DCUN1D4: variants seen among roughly 807,000 people sequenced by gnomAD.
The protein encoded by DCUN1D4 is DCN1-like protein 4.
In DCUN1D4, 22 loss-of-function variants were observed where a neutral mutation model predicts 47.9. The ratio of observed to expected loss-of-function variants is 0.46; its 90% CI spans 0.33 to 0.66. The LOEUF (loss-of-function observed/expected upper bound fraction) is 0.66. DCUN1D4 is among the 30% of genes least tolerant of loss of function. The pLI, the probability that DCUN1D4 is intolerant of heterozygous loss-of-function variation, is 0.02. For synonymous variants in DCUN1D4, 121 were observed against 112.2 expected, an observed-to-expected ratio of 1.08 and a Z score of -0.50; for missense variants, 301 against 340.8, an observed-to-expected ratio of 0.88 and a Z score of 0.92.
At chr4:51,877,337 T>G (rs1727866417) in intron 4 of DCUN1D4, 1 of 152,412 alleles carries the variant, frequency 6.6e-6, no homozygotes, top group African/African-American at 2.4e-5. Flanking sequence ...TATTGAGAGA[T>G]TCTTCCTTAG....
chr4:51,906,787 G>T (rs1245357303), intron 8 of DCUN1D4, among the ~76,000 whole-genome samples: 1 of 152,208 alleles, frequency 6.6e-6, no homozygotes, highest in African/African-American at 2.4e-5. Flanking sequence ...CCACTGGCCT[G>T]TATGTTTCTT....
intron 3 of DCUN1D4, among the ~76,000 whole-genome samples, chr4:51,870,961 T>G (rs943982543): frequency 5.9e-5 from 9 of 152,052 alleles, no homozygotes; most frequent in Non-Finnish European, 1.3e-4. Flanking sequence ...TTCCCTTCCC[T>G]TGCCTGGATC....
chr4:51,841,917 G>A (rs1317360548), upstream of DCUN1D4, among the ~76,000 whole-genome samples: 1 of 143,064 alleles, frequency 7.0e-6, no homozygotes, highest in Non-Finnish European at 1.5e-5. Context: ...AGGATATGGG[G>A]ATGCCTTGTA....
chr4:51,896,582 A>G (rs1176435206), intron 7 of DCUN1D4, among the ~76,000 whole-genome samples: 1 of 151,968 alleles, frequency 6.6e-6, no homozygotes, highest in East Asian at 1.9e-4. Context: ...TTATATTATT[A>G]TATACACACC....
At chr4:51,856,485 T>C (rs1453242674) in intron 1 of DCUN1D4, among the ~76,000 whole-genome samples, 2 of 152,230 alleles carry the variant, frequency 1.3e-5, no homozygotes, top group African/African-American at 4.8e-5. Context: ...TAAATTACTT[T>C]AAGTGTGTGG....
At chr4:51,867,516 A>C (rs1346665256) in intron 3 of DCUN1D4, among the ~76,000 whole-genome samples, 1 of 152,202 alleles carries the variant, frequency 6.6e-6, no homozygotes, top group African/African-American at 2.4e-5. Flanking sequence ...AACAGCTTTC[A>C]GCAGACCCAA....
At chr4:51,843,118 A>G, upstream of DCUN1D4, 2 of 1,465,158 alleles carry the variant, frequency 1.4e-6, no homozygotes, top group African/African-American at 1.5e-5. Context: ...AGAAGGCGAG[A>G]TGGGCGGGCT....
upstream of DCUN1D4, among the ~76,000 whole-genome samples, chr4:51,839,321 C>T (rs539756947): frequency 2.0e-5 from 3 of 152,200 alleles, no homozygotes; most frequent in Non-Finnish European, 2.9e-5. Context: ...CTTAGGGGCA[C>T]GTTTACTTAT....
At chr4:51,894,827 C>T (rs778894277) in intron 7 of DCUN1D4, among the ~76,000 whole-genome samples, 2 of 152,050 alleles carry the variant, frequency 1.3e-5, no homozygotes, top group Non-Finnish European at 2.9e-5. Context: ...TCATATATGT[C>T]TTAGGCCATT....
chr4:51,858,419 GA>G (rs1724481751), intron 1 of DCUN1D4, among the ~76,000 whole-genome samples: 1 of 152,144 alleles, frequency 6.6e-6, no homozygotes, highest in Non-Finnish European at 1.5e-5. Context: ...AGGGGAAGAT[GA>G]GTAGAAGATG....
chr4:51,911,138 C>A lies in DCUN1D4; in HGVS notation c.684C>A (p.Ile228=), dbSNP rs760643503. 1.2e-6 allele frequency: 2 copies of A among 1,612,298 alleles called. No homozygotes were observed. Among genetic ancestry groups the A allele is most frequent in the South Asian group, 2.2e-5 (2 of 90,592 alleles). Residue 228 remains isoleucine, a synonymous_variant, in exon 9 of 11, where the codon ATC becomes ATA. Transcript: ENST00000334635. ...TGTTGGGACTGTTATTAGGAAAAAT[C>A]TGGCCCCTTTTTCCAGTTTTTCACC... ...KCMLGLLLGK[I]WPLFPVFHQF...
chr4:51,892,007 T>A (rs1171358776), intron 7 of DCUN1D4, among the ~76,000 whole-genome samples, 156 bp downstream of exon 7: 2 of 152,162 alleles, frequency 1.3e-5, no homozygotes, highest in African/African-American at 4.8e-5. Flanking sequence ...CTAAGACCCA[T>A]TTTGAGGACT....
chr4:51,842,023 G>A (rs924818891), upstream of DCUN1D4, among the ~76,000 whole-genome samples: 3 of 151,800 alleles, frequency 2.0e-5, no homozygotes, highest in Admixed American at 6.6e-5. Context: ...TTAATATCTC[G>A]AAATATTGTT....
chr4:51,845,540 C>A (rs890891971), intron 1 of DCUN1D4, among the ~76,000 whole-genome samples: 5 of 152,198 alleles, frequency 3.3e-5, no homozygotes, highest in African/African-American at 1.2e-4. Context: ...AAACCTTCCT[C>A]TCCATAAGTA....
chr4:51,841,960 G>A (rs564574460), upstream of DCUN1D4, among the ~76,000 whole-genome samples: 1 of 148,256 alleles, frequency 6.7e-6, no homozygotes, highest in Non-Finnish European at 1.5e-5. Context: ...TGGCTGGGAT[G>A]AGGGTGGAGG....
intron 1 of DCUN1D4, chr4:51,848,277 A>G: frequency 7.8e-7 from 1 of 1,289,334 alleles, no homozygotes; most frequent in South Asian, 1.2e-5. Context: ...GTGCTGAGGG[A>G]ACAGAAGGAG....
chr4:51,886,720 A>G lies in DCUN1D4; in HGVS notation c.414+82A>G, dbSNP rs1729532485. On this transcript the variant is annotated intron_variant, in intron 6 of 10. Coordinates refer to ENST00000334635, the MANE Select transcript of DCUN1D4 (RefSeq NM_001040402.3). ...TTTGTTCTTTAGCAAATAAATAAAT[A>G]ATTAAAAAGTAGTGGTATGTTAGTT... The G allele has an allele frequency of 3.4e-6, 4 of 1,172,720 alleles. No individual in the cohort carries two copies. In the South Asian group the frequency reaches 5.3e-5, roughly 16 times the overall value. 72.6% of individuals were successfully genotyped at this position (1,172,720 alleles called of 1,614,324 possible).
intron 8 of DCUN1D4, among the ~76,000 whole-genome samples, chr4:51,904,198 T>C (rs1732529927): frequency 6.6e-6 from 1 of 152,142 alleles, no homozygotes; most frequent in African/African-American, 2.4e-5. Flanking sequence ...AAAGCAGTCT[T>C]GATAGGGATG....
At chr4:51,844,966 A>C (rs1722290070) in intron 1 of DCUN1D4, 1 of 985,266 alleles carries the variant, frequency 1.0e-6, no homozygotes, top group Non-Finnish European at 1.2e-6. Flanking sequence ...GCGACTCCCC[A>C]GCCCTTCTCC....
Sources: gnomAD v4.1 joint callset for allele counts (sites outside exome capture counted in the v4.1 genomes callset) on GRCh38, gnomAD v4.1.1 for gene constraint, MANE v1.5 for transcripts, NCBI Gene and HGNC (gene_info 2026-07-23, HGNC 2026-07-21) for gene names.